SPDYA: variants seen among roughly 807,000 people sequenced by gnomAD.
SPDYA encodes the protein speedy/RINGO cell cycle regulator family member A, also known as speedy protein A.
Under a neutral mutation model 36.7 loss-of-function variants are expected in SPDYA, and 11 were observed. The observed-to-expected ratio is 0.30, with a 90% CI of 0.19 to 0.50. The LOEUF (loss-of-function observed/expected upper bound fraction) is 0.50. SPDYA is among the 20% of genes least tolerant of loss of function. The pLI is 0.98. For missense variants in SPDYA, 287 were observed against 370.9 expected (o/e 0.77, Z 1.86); for synonymous variants, 115 against 118.7 (o/e 0.97, Z 0.20).
At chr2:28,839,653 A>C (rs1380397799) in intron 6 of SPDYA, among the ~76,000 whole-genome samples, 2 of 152,094 alleles carry the variant, frequency 1.3e-5, no homozygotes, top group East Asian at 1.9e-4. Flanking sequence ...AGGCGCCCAC[A>C]ACCACGCCCG....
At chr2:28,845,786 C>G (rs1337994763) in intron 7 of SPDYA, among the ~76,000 whole-genome samples, 1 of 152,030 alleles carries the variant, frequency 6.6e-6, no homozygotes, top group Non-Finnish European at 1.5e-5. Flanking sequence ...CTCAGGTGAT[C>G]CACCTGTCTC....
intron 3 of SPDYA, 71 bp downstream of exon 3, chr2:28,816,320 T>C: frequency 2.6e-6 from 3 of 1,134,564 alleles, no homozygotes; most frequent in Non-Finnish European, 3.7e-6. Flanking sequence ...ATCTAAATGT[T>C]TTTATTCTGA....
In SPDYA at chr2:28,827,469, T is replaced by A. The variant is rs148761387; in HGVS notation, c.381-1679T>A. On this transcript the variant is annotated intron_variant, in intron 5 of 7. Transcript: ENST00000334056. ...ATTCTTACTTTCTGTGTCTGTTCCA[T>A]TACTTTCAGATTTCAGGGTCTGTTA... is the stretch of plus-strand genomic sequence containing the variant. Among the ~76,000 whole-genome samples the A allele has an allele frequency of 4.5e-3, 685 of 152,350 alleles. 6 individuals carry two copies. Among genetic ancestry groups the A allele is most frequent in the African/African-American group, 0.016 (649 of 41,580 alleles).
chr2:28,843,658 C>T (rs188240951), intron 7 of SPDYA, among the ~76,000 whole-genome samples: 8 of 151,484 alleles, frequency 5.3e-5, no homozygotes, highest in East Asian at 1.9e-4. Flanking sequence ...ACCAATCACA[C>T]GCTAGATACT....
chr2:28,829,965 G>A (rs1389546646), intron 6 of SPDYA, among the ~76,000 whole-genome samples: 45 of 118,202 alleles, frequency 3.8e-4, no homozygotes, highest in Admixed American at 5.5e-4. Flanking sequence ...AAAAAGAAAA[G>A]AAAAGAAAAA....
intron 5 of SPDYA, among the ~76,000 whole-genome samples, chr2:28,822,677 G>T (rs1668198741): frequency 1.3e-5 from 2 of 152,064 alleles, no homozygotes. Context: ...GCACAATCCT[G>T]ACTCACTGCA....
In SPDYA at chr2:28,840,105, T is replaced by C; in HGVS notation, c.553-67T>C. On this transcript the variant is annotated intron_variant, in intron 6 of 7. Coordinates refer to ENST00000334056, the MANE Select transcript of SPDYA (RefSeq NM_182756.4). ...GAGACAGTTGTTCTTGAGTTATAAG[T>C]TTTGAACTCAATTTTAGTAAATTTT... is the stretch of plus-strand genomic sequence containing the variant. The C allele has an allele frequency of 3.5e-6, 5 of 1,423,894 alleles. 1 individual carries two copies. The South Asian group carries it at 6.6e-5, about 19-fold the overall frequency. The allele number at this position is 1,423,894 out of a possible 1,614,324, so 88.2% of individuals were successfully genotyped here. A position where few individuals can be genotyped will look rare whatever the true frequency, so the allele number is the denominator to read the frequency against.
At chr2:28,823,994 G>C (rs1418569428) in intron 5 of SPDYA, among the ~76,000 whole-genome samples, 1 of 150,774 alleles carries the variant, frequency 6.6e-6, no homozygotes, top group Non-Finnish European at 1.5e-5. Context: ...TGATCCGCCT[G>C]CCTCAGCCTC....
intron 5 of SPDYA, among the ~76,000 whole-genome samples, chr2:28,828,226 A>G (rs1011345139): frequency 6.6e-6 from 1 of 152,038 alleles, no homozygotes; most frequent in Non-Finnish European, 1.5e-5. Context: ...GCCTCAAGCA[A>G]TCCGCCCACC....
Position 28,811,212 on chromosome 2 carries a change from C to G in SPDYA, c.-93+265C>G, listed in dbSNP as rs1205943873. On this transcript the variant is annotated intron_variant, in intron 1 of 7. Transcript: ENST00000334056. This position sits in a 1 kb window ranked among gnomAD's most constrained non-coding sequence, Gnocchi z 4.2. ...GCAGGTTGGGGCTTTGGCCGCCCTCCGCCCGGCGGCGTAGCGGGTGAAGGT... is the reference window on the plus strand; with the variant it reads ...GCAGGTTGGGGCTTTGGCCGCCCTCGGCCCGGCGGCGTAGCGGGTGAAGGT... The G allele has an allele frequency of 6.6e-6, 1 of 152,360 alleles. No homozygotes were observed. Among genetic ancestry groups the G allele is most frequent in the Non-Finnish European group, 1.5e-5 (1 of 68,182 alleles). 9.4% of individuals were successfully genotyped at this position (152,360 alleles called of 1,614,324 possible). A position where few individuals can be genotyped will look rare whatever the true frequency, so the allele number is the denominator to read the frequency against.
At position 28,850,218 on chromosome 2, in the gene SPDYA, A is replaced by G. The variant is rs1669012202; in HGVS notation, c.*277A>G. The G allele has an allele frequency of 6.2e-7, 1 of 1,611,866 alleles. No homozygotes were observed. Among genetic ancestry groups the G allele is most frequent in the African/African-American group, 1.3e-5 (1 of 74,994 alleles). ...GAGTACTCAGTTAAGTTGTGGTTTGACCTTCCTCAACTTGACAAGAAAAGC... is the reference window on the plus strand; with the variant it reads ...GAGTACTCAGTTAAGTTGTGGTTTGGCCTTCCTCAACTTGACAAGAAAAGC... On this transcript the variant is annotated 3_prime_UTR_variant, in exon 8 of 8. Coordinates refer to ENST00000334056, the MANE Select transcript of SPDYA (RefSeq NM_182756.4).
rs1393696459 is a variant in SPDYA, at chr2:28,850,282, T to C, written c.*341T>C. On this transcript the variant is annotated 3_prime_UTR_variant, in exon 8 of 8. Transcript: ENST00000334056. ...GAAAAACATAAAGTCATTATATTAA[T>C]TAAAAGAAAAAACACCATTTAATAT... is the stretch of plus-strand genomic sequence containing the variant. 2 of 1,602,916 alleles carry C rather than the reference T, an allele frequency of 1.2e-6. No homozygotes were observed. The highest frequency in any genetic ancestry group is 2.2e-5 in the South Asian group (2 of 89,680).
At chr2:28,846,512 G>A (rs1405355472) in intron 7 of SPDYA, among the ~76,000 whole-genome samples, 4 of 152,054 alleles carry the variant, frequency 2.6e-5, no homozygotes, top group African/African-American at 9.7e-5. Context: ...GAAGGCATTG[G>A]GATGACAGTT....
intron 5 of SPDYA, among the ~76,000 whole-genome samples, chr2:28,824,612 T>C (rs1034228997): frequency 6.8e-6 from 1 of 146,714 alleles, no homozygotes; most frequent in Non-Finnish European, 1.5e-5. Flanking sequence ...AGTGGCATTA[T>C]CTCAGCTTGC....
chr2:28,817,958 C>A (rs1668029228), intron 3 of SPDYA, among the ~76,000 whole-genome samples: 1 of 144,106 alleles, frequency 6.9e-6, no homozygotes, highest in Admixed American at 7.0e-5. Context: ...CTCAAGAGTT[C>A]AAGACCAGCC....
chr2:28,838,946 A>G (rs1358658594), intron 6 of SPDYA, among the ~76,000 whole-genome samples: 1 of 152,208 alleles, frequency 6.6e-6, no homozygotes, highest in Non-Finnish European at 1.5e-5. Flanking sequence ...TACAGTTCTC[A>G]TTTACTTTGG....
chr2:28,834,861 T>C (rs768730704), intron 6 of SPDYA, among the ~76,000 whole-genome samples: 9 of 152,198 alleles, frequency 5.9e-5, no homozygotes, highest in Non-Finnish European at 1.3e-4. Context: ...GGTATTTTAA[T>C]TACATTTCAA....
chr2:28,824,022 C>T (rs1213220035), intron 5 of SPDYA, among the ~76,000 whole-genome samples: 1 of 151,224 alleles, frequency 6.6e-6, no homozygotes, highest in Non-Finnish European at 1.5e-5. Context: ...GCTAGGATTA[C>T]AGGCGTGAGC....
chr2:28,828,279 G>A (rs546548132), intron 5 of SPDYA, among the ~76,000 whole-genome samples: 1 of 152,128 alleles, frequency 6.6e-6, no homozygotes, highest in East Asian at 1.9e-4. Context: ...GAGCCACCAC[G>A]CCCGGCCCTC....
Sources: gnomAD v4.1 joint callset for allele counts (sites outside exome capture counted in the v4.1 genomes callset) on GRCh38, gnomAD v4.1.1 for gene constraint, Gnocchi (gnomAD v3.1) non-coding constraint, MANE v1.5 for transcripts, NCBI Gene and HGNC (gene_info 2026-07-23, HGNC 2026-07-21) for gene names.